The following ANKRD30B variants were observed in gnomAD, a reference collection of about 807,000 sequenced individuals.
ANKRD30B encodes the protein ankyrin repeat domain 30B, also known as ankyrin repeat domain-containing protein 30B.
In ANKRD30B, 144 loss-of-function variants were observed where a neutral mutation model predicts 202.2. The observed-to-expected ratio is 0.71, with a 90% CI of 0.62 to 0.82. The LOEUF is 0.82. ANKRD30B is among the 40% of genes least tolerant of loss of function. The probability of loss-of-function intolerance (pLI) is 0.00; values close to 1 mark genes in which losing one functional copy is unlikely to be tolerated. For synonymous variants in ANKRD30B, 508 were observed against 561.3 expected, an observed-to-expected ratio of 0.91 and a Z score of 1.34; for missense variants, 1,487 against 1,669.1, an observed-to-expected ratio of 0.89 and a Z score of 1.90.
intron 39 of ANKRD30B, 96 bp from the exon 40 acceptor site, chr18:14,848,620 T>C: frequency 2.1e-6 from 2 of 970,322 alleles, no homozygotes; most frequent in Non-Finnish European, 2.8e-6. Flanking sequence ...TCAATATATA[T>C]TTGTTGAGTG....
chr18:14,834,279 T>C (rs917637180), intron 34 of ANKRD30B, among the ~76,000 whole-genome samples: 1 of 152,064 alleles, frequency 6.6e-6, no homozygotes, highest in Admixed American at 6.6e-5. Context: ...ATAAACTGTG[T>C]AAGAATAAAT....
chr18:14,772,132 A>G, intron 8 of ANKRD30B, 24 bp from the exon 9 acceptor site: 1 of 1,421,934 alleles, frequency 7.0e-7, no homozygotes, highest in South Asian at 1.5e-5. Context: ...TTGCTCATTT[A>G]TGTTGTATCA....
At chr18:14,824,960 G>A (rs865967271) in intron 32 of ANKRD30B, among the ~76,000 whole-genome samples, 7 of 152,290 alleles carry the variant, frequency 4.6e-5, no homozygotes, top group Middle Eastern at 6.8e-3. Context: ...ATGGGTTGTG[G>A]AATACAACAG....
the ANKRD30B span, among the ~76,000 whole-genome samples, chr18:14,925,357 G>A: frequency 6.6e-6 from 1 of 152,176 alleles, no homozygotes; most frequent in Non-Finnish European, 1.5e-5. Flanking sequence ...TTCCCATTGG[G>A]GGTTCTTTCC....
the ANKRD30B span, among the ~76,000 whole-genome samples, chr18:14,930,588 A>G: frequency 2.6e-5 from 4 of 152,172 alleles, no homozygotes; most frequent in African/African-American, 9.6e-5. Context: ...TGGGTGTGCT[A>G]TGGGGTAGAC....
chr18:14,906,074 T>C, the ANKRD30B span, among the ~76,000 whole-genome samples: 1 of 152,082 alleles, frequency 6.6e-6, no homozygotes, highest in Non-Finnish European at 1.5e-5. Context: ...TCAGACTCAA[T>C]TCAAGTCAGC....
At chr18:14,831,234 G>T (rs571002611) in intron 33 of ANKRD30B, 149 bp from the exon 34 acceptor site, 53 of 322,102 alleles carry the variant, frequency 1.6e-4, no homozygotes, top group African/African-American at 1.3e-3. Context: ...ATTATGCCAA[G>T]AAACATGATT....
the ANKRD30B span, among the ~76,000 whole-genome samples, chr18:14,871,000 C>G: frequency 1.4e-5 from 2 of 140,196 alleles, no homozygotes; most frequent in South Asian, 4.8e-4. Flanking sequence ...CCCGCCCACC[C>G]CCACCCACAC....
At chr18:14,858,856 A>T, downstream of ANKRD30B, among the ~76,000 whole-genome samples, 1 of 79,242 alleles carries the variant, frequency 1.3e-5, no homozygotes. Context: ...AGGCAGAGGC[A>T]CTCCTCACCT....
rs532468362 is a variant in ANKRD30B at position 14,777,115 on chromosome 18, G to A, written c.1330-870G>A. 1.2e-4 allele frequency among the ~76,000 whole-genome samples: 18 copies of A among 152,168 alleles called. No homozygotes were observed. The South Asian group carries it at 3.3e-3, about 28-fold the overall frequency. The stretch of plus-strand genomic sequence containing the variant: ...TTAATTCCTTTTGAAATATGTACAC[G>A]AGTGAATTTTTTATGAATATGATTT... On this transcript the variant is annotated intron_variant, in intron 9 of 43. Transcript: ENST00000690538.
chr18:14,840,621 T>G lies in ANKRD30B; in HGVS notation c.3022T>G (p.Cys1008Gly). 6.5e-7 allele frequency: 1 copy of G among 1,534,130 alleles called. No individual in the cohort carries two copies. The highest frequency in any genetic ancestry group is 8.8e-7 in the Non-Finnish European group (1 of 1,135,724). ...ISVSDTQNYE[C>G]LPEATYQKEI... is the part of the protein sequence containing the mutation. ...TGTGAGTGATACACAGAATTATGAGTGTTTACCTGAGGCTACATATCAAAA... is the reference window on the plus strand; with the variant it reads ...TGTGAGTGATACACAGAATTATGAGGGTTTACCTGAGGCTACATATCAAAA... The change falls in exon 37 of 44, where the codon TGT (cysteine) becomes GGT (glycine). Residue 1008 changes from cysteine to glycine, a missense_variant. This residue lies in a region of ANKRD30B where 218 missense variants were observed against 320.1 expected (regional missense o/e 0.68). Coordinates refer to ENST00000690538, the MANE Select transcript of ANKRD30B (RefSeq NM_001367607.2).
chr18:14,887,902 A>G, the ANKRD30B span, among the ~76,000 whole-genome samples: 5 of 151,700 alleles, frequency 3.3e-5, no homozygotes, highest in Admixed American at 2.0e-4. Context: ...ATGTTACTTG[A>G]AAAAAACTTA....
In ANKRD30B at chr18:14,820,972, G is replaced by A. The variant is rs538038319; in HGVS notation, c.2642-1511G>A. ...CCTCCTTGTACCACTGGTAGAATTC[G>A]GCTGTGAATCCATCTGGTCCTGGAC... On this transcript the variant is annotated intron_variant, in intron 30 of 43. Coordinates refer to ENST00000690538, the MANE Select transcript of ANKRD30B (RefSeq NM_001367607.2). Among the ~76,000 whole-genome samples, 8 of 152,168 alleles carry A rather than the reference G, an allele frequency of 5.3e-5. No homozygotes were observed. The East Asian group carries it at 1.2e-3, about 22-fold the overall frequency.
the ANKRD30B span, among the ~76,000 whole-genome samples, chr18:14,893,625 A>T: frequency 6.6e-6 from 1 of 152,202 alleles, no homozygotes; most frequent in African/African-American, 2.4e-5. Context: ...AAAAAAAAAA[A>T]AAGTATTAAC....
In ANKRD30B at chr18:14,748,453, G is replaced by A. The variant is rs1265221333; in HGVS notation, c.34G>A (p.Val12Met). ...KRLLAAAGKG[V>M]RGPEPPNPFS... ...GCTCTTAGCTGCCGCTGGCAAGGGC[G>A]TGCGGGGCCCGGAGCCCCCGAACCC... The change falls in exon 1 of 44, where the codon GTG (valine) becomes ATG (methionine). Residue 12 changes from valine (V) to methionine (M), a missense_variant. This residue lies in a region of ANKRD30B where 889 missense variants were observed against 841.4 expected (regional missense o/e 1.06). Transcript: ENST00000690538. 3 of 1,533,204 alleles carry A rather than the reference G, an allele frequency of 2.0e-6. No homozygotes were observed. The highest frequency in any genetic ancestry group is 1.8e-6 in the Non-Finnish European group (2 of 1,137,512). 95.0% of individuals were successfully genotyped at this position (1,533,204 alleles called of 1,614,324 possible).
At chr18:14,924,685 C>T in the ANKRD30B span, among the ~76,000 whole-genome samples, 4 of 152,244 alleles carry the variant, frequency 2.6e-5, no homozygotes, top group African/African-American at 9.6e-5. Flanking sequence ...TAGGTGAGAT[C>T]ACAACCAAAC....
At chr18:14,781,288 CTTTTTTTTT>C (rs892666549) in intron 11 of ANKRD30B, among the ~76,000 whole-genome samples, 5 of 85,676 alleles carry the variant, frequency 5.8e-5, no homozygotes, top group African/African-American at 1.4e-4. Flanking sequence ...TCTGAGTATT[CTTTTTTTTT>C]TTTTTTTTTT....
intron 8 of ANKRD30B, among the ~76,000 whole-genome samples, chr18:14,771,815 T>G (rs1275806631): frequency 6.6e-6 from 1 of 152,210 alleles, no homozygotes; most frequent in Non-Finnish European, 1.5e-5. Flanking sequence ...TAAGTAGATT[T>G]CCAGTTCATC....
chr18:14,886,311 A>G, the ANKRD30B span, among the ~76,000 whole-genome samples: 1 of 152,012 alleles, frequency 6.6e-6, no homozygotes, highest in East Asian at 1.9e-4. Context: ...CCAGACTACA[A>G]ATGATTAAGA....
Sources: allele counts gnomAD v4.1 joint callset (sites outside exome capture counted in the v4.1 genomes callset), GRCh38; gene constraint gnomAD v4.1.1; regional missense constraint gnomAD v4.1.1; transcripts MANE v1.5; gene names NCBI Gene and HGNC (gene_info 2026-07-23, HGNC 2026-07-21).